Variants in GSTZ1 observed in about 807,000 individuals in gnomAD.
GSTZ1 encodes maleylacetoacetate isomerase.
GSTZ1 carries 34 observed loss-of-function variants against 35.9 expected under a neutral mutation model. The ratio of observed to expected loss-of-function variants is 0.95; its 90% CI spans 0.72 to 1.26. GSTZ1 has a LOEUF of 1.26. Ranked by LOEUF, GSTZ1 falls within the 50% of genes most tolerant of loss-of-function variation. GSTZ1 has a pLI of 0.00. For synonymous variants in GSTZ1, 93 were observed against 101.2 expected (o/e 0.92, Z 0.49); for missense variants, 263 against 271.7 (o/e 0.97, Z 0.23).
At chr14:77,328,189 G>T (rs546765134) in intron 5 of GSTZ1, 152 bp downstream of exon 5, 1 of 753,640 alleles carries the variant, frequency 1.3e-6, no homozygotes, top group African/African-American at 1.8e-5. Context: ...AGAAGGGGGT[G>T]AAGATCGCAA....
chr14:77,321,541 T>C, intron 1 of GSTZ1: 1 of 1,293,138 alleles, frequency 7.7e-7, no homozygotes, highest in Non-Finnish European at 9.9e-7. Flanking sequence ...CCCTTCATGC[T>C]CTTCTCTTGG....
intron 1 of GSTZ1, chr14:77,323,133 C>T (rs547970621): frequency 3.3e-5 from 5 of 152,194 alleles, no homozygotes; most frequent in African/African-American, 9.6e-5. Flanking sequence ...ACCCAGCTGC[C>T]CCCAAGGGCC....
chr14:77,329,795 T>G lies in GSTZ1; in HGVS notation c.462T>G (p.Cys154Trp), dbSNP rs569322079. ...TACAGAGCACAGCGGGCATATACTG[T>G]GTAGGAGACGAGGTAAGCTGTCCCC... ...QILQSTAGIY[C>W]VGDEVTMADL... Residue 154 changes from cysteine to tryptophan, a missense_variant, in exon 7 of 9, where the codon TGT (cysteine) becomes TGG (tryptophan). Transcript: ENST00000216465. 6.2e-7 allele frequency: 1 copy of G among 1,613,590 alleles called. No homozygotes were observed. Among genetic ancestry groups the G allele is most frequent in the Non-Finnish European group, 8.5e-7 (1 of 1,179,508 alleles).
chr14:77,322,772 C>A, intron 1 of GSTZ1: 7 of 947,708 alleles, frequency 7.4e-6, no homozygotes, highest in Non-Finnish European at 8.8e-6. Context: ...GCTTGGGAAC[C>A]ATCTTGGAAG....
chr14:77,327,443 C>A (rs1454631757), intron 3 of GSTZ1, 29 bp from the exon 4 acceptor site: 1 of 1,524,728 alleles, frequency 6.6e-7, no homozygotes, highest in Admixed American at 1.8e-5. Context: ...GGCCAGGCCA[C>A]CCAGCCCACC....
intron 7 of GSTZ1, chr14:77,330,095 G>A (rs1358685998): frequency 1.4e-6 from 1 of 696,164 alleles, no homozygotes; most frequent in Non-Finnish European, 2.6e-6. Context: ...CACAGAGTTG[G>A]TTGTCAGGGC....
At chr14:77,327,657 G>A (rs1892395785) in intron 4 of GSTZ1, 105 bp downstream of exon 4, 1 of 835,826 alleles carries the variant, frequency 1.2e-6, no homozygotes, top group Non-Finnish European at 2.0e-6. Context: ...CTAGCACATA[G>A]GAGAGGCTCA....
In GSTZ1 at chr14:77,321,399, G is replaced by A. The variant is rs962756429; in HGVS notation, c.15+216G>A. ...GGGCCAGAGGAGGCGGTCCTGGTAGGGAGTGCGTAGCAGGGTGGAGTCGCT... is the reference window on the plus strand; with the variant it reads ...GGGCCAGAGGAGGCGGTCCTGGTAGAGAGTGCGTAGCAGGGTGGAGTCGCT... On this transcript the variant is annotated intron_variant, in intron 1 of 8. Transcript: ENST00000216465. The A allele has an allele frequency of 8.5e-6, 13 of 1,529,562 alleles. No homozygotes were observed. The East Asian group carries it at 3.0e-4, about 35-fold the overall frequency. The allele number at this position is 1,529,562 out of a possible 1,614,324, so 94.7% of individuals were successfully genotyped here.
intron 2 of GSTZ1, chr14:77,326,632 G>A: frequency 1.8e-6 from 1 of 548,552 alleles, no homozygotes; most frequent in Non-Finnish European, 3.3e-6. Context: ...GGTGAGTGAG[G>A]CAGAGCATCG....
At position 77,326,827 on chromosome 14, in the gene GSTZ1, G is replaced by A. The variant is rs1288471400; in HGVS notation, c.68-11G>A. ...CTGTTCTTTGACTCCGCTATGTGCG[G>A]TCTCTCCTAGCTCTGGCCTTGAAAG... On this transcript the variant is annotated splice_polypyrimidine_tract_variant and intron_variant, in intron 2 of 8. Coordinates refer to ENST00000216465, the MANE Select transcript of GSTZ1 (RefSeq NM_145870.3). 3 of 1,592,228 alleles carry A rather than the reference G, an allele frequency of 1.9e-6. No homozygotes were observed. Among genetic ancestry groups the A allele is most frequent in the Non-Finnish European group, 8.6e-7 (1 of 1,164,738 alleles).
At chr14:77,327,020 A>G (rs756049262) in intron 3 of GSTZ1, 115 bp downstream of exon 3, 60 of 751,922 alleles carry the variant, frequency 8.0e-5, no homozygotes, top group Middle Eastern at 6.9e-4. Context: ...CTTGTGGACT[A>G]TCACTGCAGG....
intron 5 of GSTZ1, 200 bp from the exon 6 acceptor site, chr14:77,328,923 C>T: frequency 1.7e-6 from 1 of 600,142 alleles, no homozygotes; most frequent in Non-Finnish European, 3.0e-6. Flanking sequence ...GGGCAGCCTG[C>T]AAAGGTGGCT....
In GSTZ1 at chr14:77,331,261, G is replaced by A; in HGVS notation, c.*66G>A. ...GAAGCTGGGTGGGCTGAAGAGGCCT[G>A]GAAACGAGAGTCTTAATTGAGGAGA... On this transcript the variant is annotated 3_prime_UTR_variant, in exon 9 of 9. Coordinates refer to ENST00000216465, the MANE Select transcript of GSTZ1 (RefSeq NM_145870.3). 1 of 1,535,290 alleles carries A rather than the reference G, an allele frequency of 6.5e-7. No individual in the cohort carries two copies.
chr14:77,330,340 C>A lies in GSTZ1; in HGVS notation c.505C>A (p.Gln169Lys). 2 of 1,613,816 alleles carry A rather than the reference C, an allele frequency of 1.2e-6. No individual in the cohort carries two copies. Among genetic ancestry groups the A allele is most frequent in the Non-Finnish European group, 8.5e-7 (1 of 1,179,700 alleles). ...CATGGCTGATCTGTGCTTGGTGCCT[C>A]AGGTGGCAAATGCTGAAAGGTAAGA... ...VTMADLCLVP[Q>K]VANAERFKVD... Residue 169 changes from glutamine to lysine, a missense_variant, in exon 8 of 9, where the codon CAG becomes AAG. Coordinates refer to ENST00000216465, the MANE Select transcript of GSTZ1 (RefSeq NM_145870.3).
chr14:77,330,168 C>G, intron 7 of GSTZ1, 142 bp from the exon 8 acceptor site: 1 of 788,848 alleles, frequency 1.3e-6, no homozygotes. Flanking sequence ...AGGCCTAGGG[C>G]AGACAAGAAT....
In GSTZ1 at chr14:77,321,664, A is replaced by G. The variant is rs1223449688; in HGVS notation, c.15+481A>G. On this transcript the variant is annotated intron_variant, in intron 1 of 8. Transcript: ENST00000216465. ...TTTGGGAGGCCGAGGCGGGCGGATC[A>G]CAAGGTCAGGAGATAGAGACCATCC... 6.9e-6 allele frequency: 3 copies of G among 431,886 alleles called. No homozygotes were observed. The East Asian group carries it at 3.3e-4, about 47-fold the overall frequency. 26.8% of individuals were successfully genotyped at this position (431,886 alleles called of 1,614,324 possible).
At chr14:77,321,711 G>A (rs1343109028) in intron 1 of GSTZ1, 2 of 238,902 alleles carry the variant, frequency 8.4e-6, no homozygotes, top group East Asian at 1.7e-4. Context: ...ATGAAACCCT[G>A]TCTCTATTAA....
At chr14:77,321,506 C>T in intron 1 of GSTZ1, 2 of 1,367,480 alleles carry the variant, frequency 1.5e-6, no homozygotes, top group Non-Finnish European at 1.9e-6. Context: ...CCAAACGTCG[C>T]CCCAAGCCTC....
chr14:77,321,431 T>G (rs958896108), intron 1 of GSTZ1: 2 of 1,525,418 alleles, frequency 1.3e-6, no homozygotes, highest in African/African-American at 2.7e-5. Context: ...CGCTGTCCGG[T>G]CGCGCTTCAC....
Sources: gnomAD v4.1 joint callset for allele counts on GRCh38, gnomAD v4.1.1 for gene constraint, MANE v1.5 for transcripts, NCBI Gene and HGNC (gene_info 2026-07-23, HGNC 2026-07-21) for gene names.